Variants in ARID1B observed in about 807,000 individuals in gnomAD.
ARID1B encodes AT-rich interaction domain 1B.
In ARID1B, 30 loss-of-function variants were observed where a neutral mutation model predicts 212.3. The observed-to-expected ratio is 0.14, with a 90% CI of 0.11 to 0.19. ARID1B has a LOEUF of 0.19. Ranked by LOEUF, ARID1B falls within the 10% of genes least tolerant of loss-of-function variation. The pLI, the probability that ARID1B is intolerant of heterozygous loss-of-function variation, is 1.00. For missense variants in ARID1B, 2,891 were observed against 3,204.0 expected (o/e 0.90, Z 2.36); for synonymous variants, 1,402 against 1,301.7 (o/e 1.08, Z -1.66).
rs148749268 is a variant in ARID1B at position 157,148,934 on chromosome 6, G to A, written c.3072G>A (p.Ala1024=). The A allele has an allele frequency of 4.3e-6, 7 of 1,611,762 alleles. No homozygotes were observed. Among genetic ancestry groups the A allele is most frequent in the East Asian group, 2.2e-5 (1 of 44,864 alleles). ...CCGCAGCAGTGATGCAGGCTGCTGC[G>A]AACTCAGCACAAAGCAGGTACGCCA... ...EAAAAVMQAA[A]NSAQSRQGSF... Residue 1024 remains alanine, a synonymous_variant, in exon 8 of 20, where the codon GCG becomes GCA. Transcript: ENST00000636930. The surrounding 1 kb of genome is among the most constrained non-coding windows in gnomAD (Gnocchi z 5.6).
At chr6:157,146,638 G>A (rs138446027) in intron 7 of ARID1B, among the ~76,000 whole-genome samples, 19 of 152,134 alleles carry the variant, frequency 1.2e-4, no homozygotes, top group African/African-American at 4.3e-4. Flanking sequence ...ATACCCATAC[G>A]TGCACGTGCA....
At chr6:157,169,181 G>C (rs187516420) in intron 9 of ARID1B, 1 of 152,228 alleles carries the variant, frequency 6.6e-6, no homozygotes, top group Non-Finnish European at 1.5e-5. Context: ...GGCCCATGGA[G>C]ATAAATTACC....
intron 3 of ARID1B, among the ~76,000 whole-genome samples, chr6:156,912,254 CTTTTTTT>C (rs34051264): frequency 3.2e-5 from 4 of 126,600 alleles, no homozygotes; most frequent in African/African-American, 5.7e-5. Flanking sequence ...AATCAAACCT[CTTTTTTT>C]TTTTTTTTTT....
Position 157,174,072 on chromosome 6 carries a change from A to T in ARID1B, c.3300A>T (p.Ala1100=), listed in dbSNP as rs774783574. Residue 1100 remains alanine (A), a synonymous_variant, in exon 10 of 20, where the codon GCA becomes GCT. Coordinates refer to ENST00000636930, the MANE Select transcript of ARID1B (RefSeq NM_001374828.1). ...CCAAACTGCCCCTGCCTCTCAAAGCAGACGGCAAAGAAGAAGGCACTCCAC... is the reference window on the plus strand; with the variant it reads ...CCAAACTGCCCCTGCCTCTCAAAGCTGACGGCAAAGAAGAAGGCACTCCAC... ...GESKLPLPLK[A]DGKEEGTPQP... 1.2e-6 allele frequency: 2 copies of T among 1,614,076 alleles called. No homozygotes were observed. The highest frequency in any genetic ancestry group is 2.7e-5 in the African/African-American group (2 of 74,920).
chr6:157,135,320 C>T (rs953200985), intron 7 of ARID1B, among the ~76,000 whole-genome samples: 3 of 152,158 alleles, frequency 2.0e-5, no homozygotes, highest in Admixed American at 1.3e-4. Context: ...GCTTCAGTTC[C>T]AGGACCTTTA....
chr6:156,921,492 CAA>C (rs1422970849), intron 3 of ARID1B, among the ~76,000 whole-genome samples: 3 of 125,368 alleles, frequency 2.4e-5, no homozygotes, highest in East Asian at 2.5e-4. Context: ...CACACACACA[CAA>C]AATGTAAGGG....
chr6:157,201,375 G>A lies in ARID1B; in HGVS notation c.5150G>A (p.Gly1717Glu), dbSNP rs944809709. The A allele has an allele frequency of 6.2e-6, 10 of 1,608,008 alleles. No individual in the cohort carries two copies. Among genetic ancestry groups the A allele is most frequent in the Admixed American group, 1.7e-5 (1 of 59,746 alleles). Residue 1717 changes from glycine to glutamate, a missense_variant, in exon 18 of 20, where the codon GGG becomes GAG. Transcript: ENST00000636930. The surrounding 1 kb of genome is among the most constrained non-coding windows in gnomAD (Gnocchi z 5.2). ...ACGGTCCCCACATCCCAGGTCACCG[G>A]GCCACCACCCCAACCACCCCCAATC... The part of the protein sequence containing the change: ...MPTVPTSQVT[G>E]PPPQPPPIRR...
At chr6:157,045,549 C>T (rs1782177521) in intron 4 of ARID1B, among the ~76,000 whole-genome samples, 1 of 152,132 alleles carries the variant, frequency 6.6e-6, no homozygotes, top group Non-Finnish European at 1.5e-5. Context: ...TCACTGCAAG[C>T]TCCACCCTTA....
At chr6:157,155,838 T>G (rs1351433885) in intron 8 of ARID1B, among the ~76,000 whole-genome samples, 1 of 152,130 alleles carries the variant, frequency 6.6e-6, no homozygotes, top group South Asian at 2.1e-4. Context: ...CTGGGTCTAT[T>G]TACAAATGCA....
chr6:157,068,069 T>C (rs759763496), intron 4 of ARID1B, among the ~76,000 whole-genome samples: 13 of 152,262 alleles, frequency 8.5e-5, no homozygotes, highest in Non-Finnish European at 1.8e-4. Flanking sequence ...GATGGTTTAC[T>C]TCATGGACTG....
intron 1 of ARID1B, among the ~76,000 whole-genome samples, chr6:156,797,997 G>T (rs1001310423): frequency 6.6e-6 from 1 of 152,234 alleles, no homozygotes; most frequent in Non-Finnish European, 1.5e-5. Context: ...TAAGCCTGGG[G>T]GCTGACATTG....
chr6:157,025,568 G>T (rs567308687), intron 4 of ARID1B, among the ~76,000 whole-genome samples: 1 of 143,318 alleles, frequency 7.0e-6, no homozygotes, highest in East Asian at 2.0e-4. Context: ...CATACAGTGG[G>T]TGGCCTCTTG....
At chr6:157,025,926 G>T (rs1390312557) in intron 4 of ARID1B, among the ~76,000 whole-genome samples, 1 of 150,516 alleles carries the variant, frequency 6.6e-6, no homozygotes, top group African/African-American at 2.5e-5. Flanking sequence ...TGCTGGAATA[G>T]ATTTTTTTTT....
intron 2 of ARID1B, among the ~76,000 whole-genome samples, chr6:156,879,221 C>T (rs976465793): frequency 6.6e-6 from 1 of 152,228 alleles, no homozygotes; most frequent in African/African-American, 2.4e-5. Context: ...GCTAATTTGG[C>T]ATTTTGTATT....
At chr6:156,800,326 AC>A (rs2115330615) in intron 1 of ARID1B, among the ~76,000 whole-genome samples, 1 of 152,296 alleles carries the variant, frequency 6.6e-6, no homozygotes, top group Non-Finnish European at 1.5e-5. Context: ...GTGGTGGGTC[AC>A]CCCTGTAATC....
rs138934947 is a variant in ARID1B, at chr6:157,133,199, G to A, written c.2753G>A (p.Gly918Glu). 6.2e-7 allele frequency: 1 copy of A among 1,601,034 alleles called. No homozygotes were observed. Among genetic ancestry groups the A allele is most frequent in the Non-Finnish European group, 8.5e-7 (1 of 1,175,774 alleles). Residue 918 changes from glycine (G) to glutamate (E), a missense_variant, in exon 7 of 20, where the codon GGA (glycine) becomes GAA (glutamate). Around this residue, in one of 7 missense-constraint regions of ARID1B, gnomAD observed 1,643 missense variants for 1,544.0 expected, o/e 1.06. Coordinates refer to ENST00000636930, the MANE Select transcript of ARID1B (RefSeq NM_001374828.1). Reference protein sequence around the residue: ...GTYGPQMSQYGPQGNYSRPPA... With the variant: ...GTYGPQMSQYEPQGNYSRPPA... ...TACGGTCCACAGATGAGCCAGTATG[G>A]ACCACAAGGTAAAACCAAAGCTTCT...
chr6:157,077,285 T>A (rs1346779023), intron 4 of ARID1B, among the ~76,000 whole-genome samples: 1 of 152,244 alleles, frequency 6.6e-6, no homozygotes, highest in Non-Finnish European at 1.5e-5. Context: ...TAAAGTGTTC[T>A]TAGTCTCTTC....
intron 8 of ARID1B, among the ~76,000 whole-genome samples, chr6:157,164,944 A>ATCAC (rs1791218553): frequency 6.6e-6 from 1 of 152,208 alleles, no homozygotes; most frequent in Admixed American, 6.5e-5. Flanking sequence ...CCACAAGTGA[A>ATCAC]GATGCTCTTC....
In ARID1B at chr6:156,777,736, G is replaced by A. The variant is rs1778722716; in HGVS notation, c.56G>A (p.Arg19Gln). ...AAAAAARARA[R>Q]AGSGERRAPP... is the part of the protein sequence containing the mutation. Reference sequence around the variant, plus strand: ...GCGGCGGCGGCGCGGGCGCGGGCGCGGGCAGGCAGCGGCGAACGGCGGGCG... The same window carrying A: ...GCGGCGGCGGCGCGGGCGCGGGCGCAGGCAGGCAGCGGCGAACGGCGGGCG... The change falls in exon 1 of 20, where the codon CGG becomes CAG. Residue 19 changes from arginine to glutamine, a missense_variant. By Grantham distance (43) the Arg-to-Gln change is conservative. Around this residue, in one of 7 missense-constraint regions of ARID1B, gnomAD observed 1,643 missense variants for 1,544.0 expected, o/e 1.06. Coordinates refer to ENST00000636930, the MANE Select transcript of ARID1B (RefSeq NM_001374828.1). 3.9e-6 allele frequency: 1 copy of A among 253,570 alleles called. No individual in the cohort carries two copies. 15.7% of individuals were successfully genotyped at this position (253,570 alleles called of 1,614,324 possible). A position where few individuals can be genotyped will look rare whatever the true frequency, so the allele number is the denominator to read the frequency against.
Sources: gnomAD v4.1 joint callset for allele counts (sites outside exome capture counted in the v4.1 genomes callset) on GRCh38, gnomAD v4.1.1 for gene constraint, gnomAD v4.1.1 regional missense constraint, Gnocchi (gnomAD v3.1) non-coding constraint, MANE v1.5 for transcripts, NCBI Gene and HGNC (gene_info 2026-07-23, HGNC 2026-07-21) for gene names.